Variants in VRTN observed in about 807,000 individuals in gnomAD.
The protein encoded by VRTN is vertnin.
Under a neutral mutation model 18.2 loss-of-function variants are expected in VRTN, and 5 were observed. That is an observed-to-expected ratio of 0.27 (90% CI 0.14 to 0.58). The LOEUF (loss-of-function observed/expected upper bound fraction) is 0.58, where lower values mean the gene tolerates loss of function less well. Among genes scored for constraint, VRTN ranks in the 20% least tolerant of loss-of-function variants. The pLI is 0.91. For synonymous variants in VRTN, 381 were observed against 393.7 expected, an observed-to-expected ratio of 0.97 and a Z score of 0.38; for missense variants, 741 against 939.4, an observed-to-expected ratio of 0.79 and a Z score of 2.76.
intron 1 of VRTN, among the ~76,000 whole-genome samples, chr14:74,324,312 C>T (rs554705574): frequency 3.4e-4 from 51 of 148,982 alleles, no homozygotes; most frequent in Admixed American, 1.4e-3. Flanking sequence ...CGCTTGAACC[C>T]GGGAGGCAGA....
In VRTN at chr14:74,320,499, T is replaced by TGATCCGCC. The variant is rs1199648642; in HGVS notation, c.-163-17223_-163-17216dup. Among the ~76,000 whole-genome samples, 4 of 147,134 alleles carry TGATCCGCC rather than the reference T, an allele frequency of 2.7e-5. No homozygotes were observed. In the Admixed American group the frequency reaches 2.8e-4, roughly 10 times the overall value. On this transcript the variant is annotated intron_variant, in intron 1 of 2. Coordinates refer to the VRTN transcript ENST00000557177. The stretch of plus-strand genomic sequence containing the variant: ...GGATGGTCTCGATCTCCTGACCTTG[T>TGATCCGCC]GATCCGCCCGCCTTGGCCTCCCAAA...
intron 1 of VRTN, 38 bp from the exon 2 acceptor site, chr14:74,356,745 C>A (rs779379470): frequency 2.0e-6 from 3 of 1,535,078 alleles, no homozygotes; most frequent in Non-Finnish European, 2.6e-6. Flanking sequence ...CTGGGCACTT[C>A]GACCTGACTA....
chr14:74,304,540 A>G (rs2085298746), intron 1 of VRTN, among the ~76,000 whole-genome samples: 1 of 152,160 alleles, frequency 6.6e-6, no homozygotes, highest in African/African-American at 2.4e-5. Context: ...TTGGGGCCTG[A>G]TCATTCTTTG....
At chr14:74,350,261 T>G (rs2085675346) in intron 1 of VRTN, among the ~76,000 whole-genome samples, 1 of 152,154 alleles carries the variant, frequency 6.6e-6, no homozygotes, top group Non-Finnish European at 1.5e-5. Flanking sequence ...GAGCTGCTTT[T>G]CCTTAAGCTT....
At chr14:74,308,265 A>T (rs1159772649) in intron 1 of VRTN, among the ~76,000 whole-genome samples, 2 of 152,072 alleles carry the variant, frequency 1.3e-5, no homozygotes, top group Non-Finnish European at 2.9e-5. Flanking sequence ...AAAAAGAAAA[A>T]AATTGGGATC....
upstream of VRTN, among the ~76,000 whole-genome samples, chr14:74,343,550 C>T (rs1326508015): frequency 6.6e-6 from 1 of 152,126 alleles, no homozygotes; most frequent in East Asian, 1.9e-4. Context: ...GCTTACCCAC[C>T]GTAGCATGGT....
chr14:74,326,036 C>T (rs958596356), intron 1 of VRTN, among the ~76,000 whole-genome samples: 3 of 152,110 alleles, frequency 2.0e-5, no homozygotes, highest in Admixed American at 6.6e-5. Flanking sequence ...CTAAAGAATG[C>T]GGCTCTGAAA....
rs866805744 is a variant in VRTN at position 74,323,246 on chromosome 14, A to G, written c.-163-14477A>G. Among the ~76,000 whole-genome samples, 4 of 152,194 alleles carry G rather than the reference A, an allele frequency of 2.6e-5. No individual in the cohort carries two copies. The South Asian group carries it at 8.3e-4, about 32-fold the overall frequency. On this transcript the variant is annotated intron_variant, in intron 1 of 2. Transcript: ENST00000557177. ...TCTCAAAATTCAAAGTTCAAAAAAA[A>G]TCTCTGGGGAGTAGAGGTTTGAAGG... is the stretch of plus-strand genomic sequence containing the variant.
chr14:74,303,941 T>C (rs745681191), intron 1 of VRTN, among the ~76,000 whole-genome samples: 74 of 141,952 alleles, frequency 5.2e-4, no homozygotes, highest in Middle Eastern at 3.5e-3. Context: ...AACCTCAGCC[T>C]CCCGGATTGA....
intron 1 of VRTN, among the ~76,000 whole-genome samples, chr14:74,331,589 T>TATATATAC (rs1296997236): frequency 3.5e-5 from 4 of 114,948 alleles, no homozygotes; most frequent in South Asian, 2.9e-4. Context: ...TATATATATA[T>TATATATAC]ACAAAAAAGA....
Position 74,358,559 on chromosome 14 carries a change from G to A in VRTN, c.1776G>A (p.Val592=). 6.2e-7 allele frequency: 1 copy of A among 1,609,156 alleles called. No individual in the cohort carries two copies. Among genetic ancestry groups the A allele is most frequent in the Non-Finnish European group, 8.5e-7 (1 of 1,177,366 alleles). The change falls in exon 2 of 2, where the codon GTG becomes GTA. Residue 592 remains valine, a synonymous_variant. Coordinates refer to ENST00000256362, the MANE Select transcript of VRTN (RefSeq NM_018228.3). This position sits in a 1 kb window ranked among gnomAD's most constrained non-coding sequence, Gnocchi z 5.4. ...RDVTAVMAPP[V]GASSEDVEGG... ...TGACAGCTGTGATGGCCCCACCTGTGGGGGCTTCTTCAGAAGATGTAGAGG... is the reference window on the plus strand; with the variant it reads ...TGACAGCTGTGATGGCCCCACCTGTAGGGGCTTCTTCAGAAGATGTAGAGG...
At chr14:74,318,479 C>G (rs1188240095) in intron 1 of VRTN, among the ~76,000 whole-genome samples, 1 of 152,188 alleles carries the variant, frequency 6.6e-6, no homozygotes, top group African/African-American at 2.4e-5. Context: ...CCATGTTGGT[C>G]AGGCTGTTCT....
At chr14:74,328,163 G>C (rs1438698068) in intron 1 of VRTN, among the ~76,000 whole-genome samples, 2 of 152,164 alleles carry the variant, frequency 1.3e-5, no homozygotes, top group Non-Finnish European at 2.9e-5. Context: ...CCTGGGTTAT[G>C]AGCCAATATA....
upstream of VRTN, among the ~76,000 whole-genome samples, chr14:74,347,925 G>A (rs2085654152): frequency 6.6e-6 from 1 of 152,202 alleles, no homozygotes; most frequent in South Asian, 2.1e-4. Flanking sequence ...TGGAGATGCA[G>A]CCTTTAGAGA....
intron 1 of VRTN, among the ~76,000 whole-genome samples, chr14:74,330,921 C>A (rs989923662): frequency 2.0e-5 from 3 of 150,166 alleles, no homozygotes; most frequent in Non-Finnish European, 4.4e-5. Context: ...AAGTCTGGGC[C>A]GGGCACGGTG....
chr14:74,334,858 G>C (rs1034989538), intron 1 of VRTN, among the ~76,000 whole-genome samples: 17 of 152,150 alleles, frequency 1.1e-4, no homozygotes, highest in African/African-American at 4.1e-4. Flanking sequence ...TGGGTCTATG[G>C]ATTGGATTCT....
chr14:74,349,109 C>T (rs1014281203), intron 1 of VRTN, among the ~76,000 whole-genome samples: 3 of 152,218 alleles, frequency 2.0e-5, no homozygotes, highest in Non-Finnish European at 4.4e-5. Flanking sequence ...CTTCCAAACA[C>T]GTGGTCCAGT....
chr14:74,315,181 G>A (rs764915108), intron 1 of VRTN, among the ~76,000 whole-genome samples: 9 of 152,154 alleles, frequency 5.9e-5, no homozygotes, highest in Non-Finnish European at 1.3e-4. Flanking sequence ...TGTTTTCTGA[G>A]CCCCAACAGT....
At chr14:74,344,849 A>G (rs2085633687), upstream of VRTN, among the ~76,000 whole-genome samples, 1 of 152,032 alleles carries the variant, frequency 6.6e-6, no homozygotes, top group Non-Finnish European at 1.5e-5. Flanking sequence ...AGCAAGGTGC[A>G]TAAGAGTGTA....
Sources: allele counts gnomAD v4.1 joint callset (sites outside exome capture counted in the v4.1 genomes callset), GRCh38; gene constraint gnomAD v4.1.1; non-coding constraint Gnocchi (gnomAD v3.1); transcripts MANE v1.5; gene names NCBI Gene and HGNC (gene_info 2026-07-23, HGNC 2026-07-21).